The following DGKH variants were observed in gnomAD, a reference collection of about 807,000 sequenced individuals.
The protein encoded by DGKH is diacylglycerol kinase eta.
A neutral mutation model predicts 159.3 loss-of-function variants in DGKH; 90 were observed. The observed-to-expected ratio is 0.57, with a 90% CI of 0.48 to 0.67. The LOEUF (loss-of-function observed/expected upper bound fraction) is 0.67, where lower values mean the gene tolerates loss of function less well. Ranked by LOEUF, DGKH falls within the 30% of genes least tolerant of loss-of-function variation. DGKH has a pLI of 0.00. For synonymous variants in DGKH, 536 were observed against 553.8 expected (o/e 0.97, Z 0.45); for missense variants, 1,181 against 1,506.1 (o/e 0.78, Z 3.57).
rs981011992 is a variant in DGKH at position 42,041,929 on chromosome 13, G to C, written c.-13+1803G>C. 2.6e-5 allele frequency among the ~76,000 whole-genome samples: 4 copies of C among 152,198 alleles called. No individual in the cohort carries two copies. The East Asian group carries it at 7.7e-4, about 29-fold the overall frequency. The stretch of plus-strand genomic sequence containing the variant: ...CAGGCCGGCCCTCTGCCTGTTGAGA[G>C]CCGCTAGGTCAGGTGCCAGGGTTGG... On this transcript the variant is annotated intron_variant, in intron 1 of 29. Coordinates refer to the DGKH transcript ENST00000379274.
At chr13:42,147,890 A>C (rs1364911312) in intron 3 of DGKH, among the ~76,000 whole-genome samples, 3 of 152,198 alleles carry the variant, frequency 2.0e-5, no homozygotes, top group African/African-American at 7.2e-5. Flanking sequence ...GAGTGAATGA[A>C]GTCATTATTA....
At chr13:42,213,021 T>A (rs759914094) in intron 24 of DGKH, among the ~76,000 whole-genome samples, 10 of 152,166 alleles carry the variant, frequency 6.6e-5, no homozygotes, top group Non-Finnish European at 1.3e-4. Flanking sequence ...GACTGAAAGG[T>A]TGGCATAGTA....
chr13:42,070,652 C>A (rs371837287), intron 1 of DGKH: 57 of 1,611,842 alleles, frequency 3.5e-5, no homozygotes, highest in South Asian at 3.0e-4. Flanking sequence ...CTGTGCAGTA[C>A]ATTTGCAGAG....
intron 29 of DGKH, among the ~76,000 whole-genome samples, chr13:42,222,393 C>A (rs1031507565): frequency 2.0e-5 from 3 of 152,028 alleles, no homozygotes; most frequent in Non-Finnish European, 4.4e-5. Context: ...GTATAAAGAT[C>A]TTTATTAAAC....
chr13:42,040,857 G>A (rs1421957666), intron 1 of DGKH, among the ~76,000 whole-genome samples: 2 of 146,882 alleles, frequency 1.4e-5, no homozygotes, highest in African/African-American at 2.4e-5. Flanking sequence ...GCGCGCCCGG[G>A]CGGCCGGCGG....
At chr13:42,188,359 A>G (rs916221443) in intron 14 of DGKH, among the ~76,000 whole-genome samples, 1 of 152,176 alleles carries the variant, frequency 6.6e-6, no homozygotes, top group Non-Finnish European at 1.5e-5. Context: ...GGGCTTGCCT[A>G]GTGCATGCTT....
intron 1 of DGKH, among the ~76,000 whole-genome samples, chr13:42,088,145 C>T (rs913052408): frequency 6.6e-6 from 1 of 152,108 alleles, no homozygotes; most frequent in Non-Finnish European, 1.5e-5. Context: ...AAAAAACCAT[C>T]AACCTAGAAT....
chr13:42,219,589 G>C, intron 27 of DGKH, 97 bp from the exon 28 acceptor site: 1 of 1,266,604 alleles, frequency 7.9e-7, no homozygotes, highest in Non-Finnish European at 1.1e-6. Context: ...ATAATGTTTA[G>C]TGTTTATAAC....
chr13:42,118,393 C>T (rs533466182), intron 1 of DGKH, among the ~76,000 whole-genome samples: 17 of 152,308 alleles, frequency 1.1e-4, no homozygotes, highest in African/African-American at 4.1e-4. Context: ...ACTCAACCAA[C>T]ATTTATTTAT....
At position 42,124,296 on chromosome 13, in the gene DGKH, T is replaced by A. The variant is rs151031101; in HGVS notation, c.193-3167T>A. 6.4e-3 allele frequency among the ~76,000 whole-genome samples: 626 copies of A among 97,628 alleles called. 4 individuals are homozygous for A. The Middle Eastern group carries it at 0.065, about 10-fold the overall frequency. The allele number at this position is 97,628 out of a possible 152,430, so 64.0% of individuals were successfully genotyped here. A position where few individuals can be genotyped will look rare whatever the true frequency, so the allele number is the denominator to read the frequency against. ...CGCACTTACTATAACACTCTCAGCC[T>A]CAATAGATTTAAATAATTTGACTTA... On this transcript the variant is annotated intron_variant, in intron 1 of 29. Coordinates refer to ENST00000337343, the MANE Select transcript of DGKH (RefSeq NM_178009.5).
At chr13:42,132,098 G>C (rs1181552850) in intron 3 of DGKH, among the ~76,000 whole-genome samples, 2 of 152,014 alleles carry the variant, frequency 1.3e-5, no homozygotes, top group African/African-American at 4.8e-5. Context: ...GGGTGAATAA[G>C]GTTTTCCCCC....
At chr13:42,086,404 C>T (rs954445264) in intron 1 of DGKH, among the ~76,000 whole-genome samples, 5 of 152,128 alleles carry the variant, frequency 3.3e-5, no homozygotes, top group Admixed American at 2.0e-4. Flanking sequence ...TAAGGACAAG[C>T]CTGAAAGCTA....
At chr13:42,194,608 TTAAG>T (rs1289655222) in intron 16 of DGKH, among the ~76,000 whole-genome samples, 6 of 152,332 alleles carry the variant, frequency 3.9e-5, no homozygotes, top group African/African-American at 1.4e-4. Flanking sequence ...TCATTTATCT[TTAAG>T]TGTGCATTGA....
Position 42,219,711 on chromosome 13 carries a change from G to A in DGKH, c.3359G>A (p.Arg1120Lys). 6.2e-7 allele frequency: 1 copy of A among 1,613,666 alleles called. No individual in the cohort carries two copies. The highest frequency in any genetic ancestry group is 8.5e-7 in the Non-Finnish European group (1 of 1,179,788). Reference protein sequence around the residue: ...DEEPPMDCTKRNNRSTVFRIV... With the variant: ...DEEPPMDCTKKNNRSTVFRIV... Reference sequence around the variant, plus strand: ...GAACCTCCTATGGATTGCACCAAAAGGAACAACAGAAGCACCGTATTTCGA... The same window carrying A: ...GAACCTCCTATGGATTGCACCAAAAAGAACAACAGAAGCACCGTATTTCGA... Residue 1120 changes from arginine (R) to lysine (K), a missense_variant, in exon 28 of 30, where the codon AGG becomes AAG. By Grantham distance (26) the Arg-to-Lys change is conservative. Transcript: ENST00000337343.
At chr13:42,155,849 G>T (rs368434176) in intron 5 of DGKH, 50 bp downstream of exon 5, 31 of 1,601,584 alleles carry the variant, frequency 1.9e-5, no homozygotes, top group Non-Finnish European at 2.6e-5. Flanking sequence ...CCATACTGTA[G>T]ACATGCTGCC....
intron 3 of DGKH, among the ~76,000 whole-genome samples, chr13:42,150,735 C>T (rs1186808126): frequency 6.6e-6 from 1 of 152,134 alleles, no homozygotes; most frequent in African/African-American, 2.4e-5. Context: ...CAGTTTATTA[C>T]AATATCAAAA....
At chr13:42,227,557 G>A (rs753790383) in intron 29 of DGKH, among the ~76,000 whole-genome samples, 5 of 152,098 alleles carry the variant, frequency 3.3e-5, no homozygotes, top group South Asian at 2.1e-4. Context: ...AGCAAGCATC[G>A]GTATATTCCT....
At position 42,207,040 on chromosome 13, in the gene DGKH, TCC is replaced by T. The variant is rs796573037; in HGVS notation, c.2601+895_2601+896del. On this transcript the variant is annotated intron_variant, in intron 21 of 29. Coordinates refer to ENST00000337343, the MANE Select transcript of DGKH (RefSeq NM_178009.5). ...CTTTCTTTCTTTTTCTTTCTTTCTTTCCTTCTTTCCTTCTTTCCTTCCTTCTT... is the reference window on the plus strand; with the variant it reads ...CTTTCTTTCTTTTTCTTTCTTTCTTTTTCTTTCCTTCTTTCCTTCCTTCTT... Among the ~76,000 whole-genome samples the T allele has an allele frequency of 4.8e-3, 365 of 75,746 alleles. 17 individuals carry two copies. The highest frequency in any genetic ancestry group is 8.8e-3 in the African/African-American group (175 of 19,860). 49.7% of individuals were successfully genotyped at this position (75,746 alleles called of 152,430 possible).
rs145024958 is a variant in DGKH, at chr13:42,068,520, G to C, written c.192+19555G>C. ...TGGTATCGTGTGTTTTACGAAATGT[G>C]TACAGTATGAAAAACTTGAAACTAC... On this transcript the variant is annotated intron_variant, in intron 1 of 29. Coordinates refer to ENST00000337343, the MANE Select transcript of DGKH (RefSeq NM_178009.5). Among the ~76,000 whole-genome samples, 122 of 152,260 alleles carry C rather than the reference G, an allele frequency of 8.0e-4. 1 individual carries two copies. The East Asian group carries it at 0.023, about 29-fold the overall frequency.
Sources: allele counts gnomAD v4.1 joint callset (sites outside exome capture counted in the v4.1 genomes callset), GRCh38; gene constraint gnomAD v4.1.1; transcripts MANE v1.5; gene names NCBI Gene and HGNC (gene_info 2026-07-23, HGNC 2026-07-21).